RBFOX2: variants seen among roughly 807,000 people sequenced by gnomAD.
RBFOX2 encodes the protein RNA binding fox-1 homolog 2, also known as RNA binding protein fox-1 homolog 2.
RBFOX2 carries 10 observed loss-of-function variants against 49.1 expected under a neutral mutation model. That is an observed-to-expected ratio of 0.20 (90% CI 0.13 to 0.35). The LOEUF is 0.35. Among genes scored for constraint, RBFOX2 ranks in the 10% least tolerant of loss-of-function variants. RBFOX2 has a pLI of 1.00. For synonymous variants in RBFOX2, 183 were observed against 187.4 expected, an observed-to-expected ratio of 0.98 and a Z score of 0.19; for missense variants, 323 against 486.9, an observed-to-expected ratio of 0.66 and a Z score of 3.17.
At chr22:36,006,760 C>T (rs1406739191) in intron 1 of RBFOX2, among the ~76,000 whole-genome samples, 1 of 152,194 alleles carries the variant, frequency 6.6e-6, no homozygotes, top group African/African-American at 2.4e-5. Context: ...GAATGACCTG[C>T]CCTGCTTATC....
chr22:36,028,515 G>A lies in RBFOX2; in HGVS notation c.-90C>T, dbSNP rs994617821. 292 of 1,018,620 alleles carry A rather than the reference G, an allele frequency of 2.9e-4. 1 individual carries two copies. The highest frequency in any genetic ancestry group is 2.0e-3 in the African/African-American group (116 of 57,746). 63.1% of individuals were successfully genotyped at this position (1,018,620 alleles called of 1,614,324 possible). A position where few individuals can be genotyped will look rare whatever the true frequency, so the allele number is the denominator to read the frequency against. On this transcript the variant is annotated 5_prime_UTR_variant, in exon 1 of 14. Coordinates refer to the RBFOX2 transcript ENST00000438146. The stretch of plus-strand genomic sequence containing the variant: ...TCGGCCCCGACTGTCGCGACAGGCG[G>A]GCGCGCGCCTGCCCCCGCCCCCGCG...
intron 1 of RBFOX2, among the ~76,000 whole-genome samples, chr22:35,915,162 T>C (rs2050266873): frequency 1.3e-5 from 2 of 152,176 alleles, no homozygotes; most frequent in South Asian, 4.1e-4. Flanking sequence ...CCACCTCCTT[T>C]AAGAGCAGCC....
At chr22:36,027,861 C>G (rs2059507213) in intron 1 of RBFOX2, among the ~76,000 whole-genome samples, 1 of 152,132 alleles carries the variant, frequency 6.6e-6, no homozygotes, top group Admixed American at 6.5e-5. Flanking sequence ...GGGAGGTTTC[C>G]CACCAGATCT....
chr22:35,958,977 T>TATATATATA (rs755064541), intron 1 of RBFOX2, among the ~76,000 whole-genome samples: 81 of 151,068 alleles, frequency 5.4e-4, no homozygotes, highest in African/African-American at 1.4e-3. Flanking sequence ...ATATATATAT[T>TATATATATA]GTGTAAAGCT....
intron 1 of RBFOX2, among the ~76,000 whole-genome samples, chr22:35,898,893 G>A (rs60524864): frequency 3.3e-5 from 5 of 152,082 alleles, no homozygotes; most frequent in African/African-American, 9.7e-5. Context: ...TTGGGAGGCC[G>A]AGGCGGGCAG....
At chr22:35,766,770 A>T (rs894731930) in intron 5 of RBFOX2, among the ~76,000 whole-genome samples, 1 of 152,228 alleles carries the variant, frequency 6.6e-6, no homozygotes, top group Non-Finnish European at 1.5e-5. Flanking sequence ...GCAAGAGCTG[A>T]AACCAGCTGC....
chr22:35,899,566 C>CAA (rs398061920), intron 1 of RBFOX2, among the ~76,000 whole-genome samples: 106 of 90,094 alleles, frequency 1.2e-3, no homozygotes, highest in African/African-American at 2.7e-3. Flanking sequence ...TAAAACAAAA[C>CAA]AAAAAAAAAA....
At chr22:35,761,426 T>C in exon 7 of RBFOX2, 1 of 1,614,114 alleles carries the variant, frequency 6.2e-7, no homozygotes, top group Non-Finnish European at 8.5e-7. Context: ...TGCATATAAC[T>C]CCGGACCATA....
upstream of RBFOX2, chr22:35,939,288 C>G (rs943188502): frequency 2.1e-6 from 1 of 465,204 alleles, no homozygotes; most frequent in African/African-American, 2.0e-5. Context: ...CTAGGATAAC[C>G]AAAAACTTGT....
intron 1 of RBFOX2, among the ~76,000 whole-genome samples, chr22:36,027,538 A>C (rs2059490691): frequency 6.6e-6 from 1 of 152,130 alleles, no homozygotes; most frequent in South Asian, 2.1e-4. Context: ...ATAGCCCGGG[A>C]CATTAAAGAG....
intron 2 of RBFOX2, among the ~76,000 whole-genome samples, chr22:35,788,871 C>G (rs1028346435): frequency 6.6e-6 from 1 of 152,130 alleles, no homozygotes; most frequent in Non-Finnish European, 1.5e-5. Context: ...CTTGTGTTAT[C>G]GGGTGATGAT....
intron 1 of RBFOX2, among the ~76,000 whole-genome samples, chr22:35,952,936 G>A (rs1403908361): frequency 1.3e-5 from 2 of 152,120 alleles, no homozygotes; most frequent in South Asian, 2.1e-4. Flanking sequence ...GATGGGCTGG[G>A]TGCAGTGGCT....
intron 4 of RBFOX2, among the ~76,000 whole-genome samples, chr22:35,776,881 CTTT>C (rs60841537): frequency 1.4e-4 from 21 of 145,356 alleles, no homozygotes; most frequent in Non-Finnish European, 2.4e-4. Context: ...TCATCAAATA[CTTT>C]TTTTTTTTTT....
chr22:35,880,250 GGA>G (rs548732267), intron 1 of RBFOX2, among the ~76,000 whole-genome samples: 18 of 152,300 alleles, frequency 1.2e-4, no homozygotes, highest in Middle Eastern at 6.8e-3. Context: ...CCGCAGTGAG[GGA>G]GAAAGAGGAG....
At chr22:35,746,605 C>A (rs577059015) in intron 9 of RBFOX2, 44 bp from the exon 12 acceptor site, 2 of 1,299,862 alleles carry the variant, frequency 1.5e-6, no homozygotes, top group East Asian at 2.7e-5. Flanking sequence ...CCTCTCCCCC[C>A]AGGTGTACAG....
At chr22:35,928,979 C>T (rs914366908) in intron 1 of RBFOX2, among the ~76,000 whole-genome samples, 9 of 151,934 alleles carry the variant, frequency 5.9e-5, no homozygotes, top group African/African-American at 2.2e-4. Context: ...TGCATGAGGC[C>T]ACGTTGTCTC....
At chr22:35,802,745 G>A (rs1950008653) in intron 2 of RBFOX2, among the ~76,000 whole-genome samples, 1 of 152,170 alleles carries the variant, frequency 6.6e-6, no homozygotes, top group Non-Finnish European at 1.5e-5. Flanking sequence ...AGACCAGCTA[G>A]AAATCTGAAG....
At chr22:35,829,648 A>T (rs964257313) in intron 1 of RBFOX2, among the ~76,000 whole-genome samples, 6 of 152,224 alleles carry the variant, frequency 3.9e-5, no homozygotes, top group Non-Finnish European at 8.8e-5. Flanking sequence ...GATCTGCTAT[A>T]TATCTGCGAT....
rs1054848635 is a variant in RBFOX2, at chr22:36,007,100, T to A, written c.186+21140A>T. 2.6e-5 allele frequency among the ~76,000 whole-genome samples: 4 copies of A among 152,316 alleles called. No homozygotes were observed. In the South Asian group the frequency reaches 8.3e-4, roughly 32 times the overall value. On this transcript the variant is annotated intron_variant, in intron 1 of 13. Transcript: ENST00000438146. ...CTTCTTCTCAATCCACTTTATGATT[T>A]GCACTTGACCCTTTATAATTGTATT... is the stretch of plus-strand genomic sequence containing the variant.
Sources: allele counts gnomAD v4.1 joint callset (sites outside exome capture counted in the v4.1 genomes callset), GRCh38; gene constraint gnomAD v4.1.1; transcripts MANE v1.5; gene names NCBI Gene and HGNC (gene_info 2026-07-23, HGNC 2026-07-21).